CHUK: variants seen among roughly 807,000 people sequenced by gnomAD.
CHUK encodes the protein inhibitor of nuclear factor kappa-B kinase subunit alpha.
A neutral mutation model predicts 104.8 loss-of-function variants in CHUK; 35 were observed. That is an observed-to-expected ratio of 0.33 (90% CI 0.26 to 0.44). The LOEUF is 0.44. Ranked by LOEUF, CHUK falls within the 20% of genes least tolerant of loss-of-function variation. The pLI is 1.00. For missense variants in CHUK, 663 were observed against 902.7 expected (o/e 0.73, Z 3.40); for synonymous variants, 276 against 291.9 (o/e 0.95, Z 0.56).
chr10:100,221,756 G>C (rs893346063), intron 4 of CHUK, among the ~76,000 whole-genome samples: 2 of 152,072 alleles, frequency 1.3e-5, no homozygotes, highest in African/African-American at 4.8e-5. Context: ...TCCTGCCTCA[G>C]CCTCCCGAGT....
Position 100,193,447 on chromosome 10 carries a change from AAAACATCAAAAGATTAC to A in CHUK, c.1975-33_1975-17del, listed in dbSNP as rs1399991748. On this transcript the variant is annotated splice_polypyrimidine_tract_variant and intron_variant, in intron 18 of 20. Coordinates refer to ENST00000370397, the MANE Select transcript of CHUK (RefSeq NM_001278.5). ...AACTCTGTGTCTGAAGGAAAAGAAAAAAACATCAAAAGATTACAGGCAAGCATCTCTGTTGATTCACA... is the reference window on the plus strand; with the variant it reads ...AACTCTGTGTCTGAAGGAAAAGAAAAAGGCAAGCATCTCTGTTGATTCACA... 6.2e-7 allele frequency: 1 copy of A among 1,613,858 alleles called. No individual in the cohort carries two copies. The highest frequency in any genetic ancestry group is 8.5e-7 in the Non-Finnish European group (1 of 1,179,924).
chr10:100,200,718 T>C lies in CHUK; in HGVS notation c.1632A>G (p.Leu544=). 1.2e-6 allele frequency: 2 copies of C among 1,608,372 alleles called. No individual in the cohort carries two copies. ...IMSLHAEIME[L]QKSPYGRRQG... ...GACGTCTTCCATAGGGGCTCTTCTG[T>C]AGCTCCATGATTTCAGCATGCAAAG... Residue 544 remains leucine, a synonymous_variant, in exon 15 of 21, where the codon CTA becomes CTG. Coordinates refer to ENST00000370397, the MANE Select transcript of CHUK (RefSeq NM_001278.5).
intron 10 of CHUK, among the ~76,000 whole-genome samples, chr10:100,208,782 T>TAAAAAAAAAAAAAAA (rs56149905): frequency 8.0e-6 from 1 of 125,526 alleles, no homozygotes. Context: ...CAAGACTGTC[T>TAAAAAAAAAAAAAAA]AAAAAAAAAA....
chr10:100,227,233 A>T (rs1238389611), intron 1 of CHUK, among the ~76,000 whole-genome samples: 3 of 152,218 alleles, frequency 2.0e-5, no homozygotes, highest in African/African-American at 7.2e-5. Flanking sequence ...CACAAAGAAT[A>T]TTCTATGGGA....
At chr10:100,191,096 C>T (rs371674831) in intron 19 of CHUK, 128 bp from the exon 20 acceptor site, 1 of 716,272 alleles carries the variant, frequency 1.4e-6, no homozygotes, top group African/African-American at 1.7e-5. Context: ...GTGCAGTTGA[C>T]TCCTGTAGTC....
At chr10:100,219,509 ACTT>A in intron 5 of CHUK, 150 bp from the exon 6 acceptor site, 2 of 632,074 alleles carry the variant, frequency 3.2e-6, no homozygotes, top group Non-Finnish European at 5.6e-6. Context: ...GAGTGCCACC[ACTT>A]AACTAGGCAT....
chr10:100,201,785 C>T (rs577538571), intron 14 of CHUK, among the ~76,000 whole-genome samples: 4 of 152,160 alleles, frequency 2.6e-5, no homozygotes, highest in Admixed American at 2.0e-4. Flanking sequence ...CCTGGGAAGT[C>T]GAGGCTGCAG....
chr10:100,190,683 C>G (rs541401008), intron 20 of CHUK, 186 bp downstream of exon 20: 1 of 617,834 alleles, frequency 1.6e-6, no homozygotes, highest in East Asian at 2.8e-5. Context: ...ATGACATAAT[C>G]CTAGTATATC....
At chr10:100,206,795 T>C (rs762029097) in intron 11 of CHUK, among the ~76,000 whole-genome samples, 8 of 152,230 alleles carry the variant, frequency 5.3e-5, no homozygotes, top group Non-Finnish European at 7.3e-5. Context: ...CTTTACTTTA[T>C]TTGGACAGAT....
chr10:100,228,683 A>G (rs919625420), intron 1 of CHUK, among the ~76,000 whole-genome samples: 13 of 152,010 alleles, frequency 8.6e-5, no homozygotes, highest in Admixed American at 8.5e-4. Context: ...ACAAGACCCA[A>G]ATATGATTTT....
At chr10:100,194,160 T>C (rs751265397) in intron 17 of CHUK, 29 bp from the exon 18 acceptor site, 1 of 1,611,522 alleles carries the variant, frequency 6.2e-7, no homozygotes, top group South Asian at 1.1e-5. Context: ...TGTCAGACAC[T>C]TTCACATGCC....
chr10:100,193,231 A>G, intron 19 of CHUK, 67 bp downstream of exon 19: 1 of 1,558,618 alleles, frequency 6.4e-7, no homozygotes, highest in East Asian at 2.2e-5. Flanking sequence ...TACCTTAACA[A>G]CTACTGCCTC....
chr10:100,213,000 C>CAAAA (rs11349438), intron 9 of CHUK, among the ~76,000 whole-genome samples: 1 of 104,522 alleles, frequency 9.6e-6, no homozygotes, highest in Non-Finnish European at 2.0e-5. Flanking sequence ...GACTTTGTCT[C>CAAAA]AAAAAAAAAA....
At position 100,208,967 on chromosome 10, in the gene CHUK, C is replaced by A. The variant is rs184222039; in HGVS notation, c.1128+628G>T. Among the ~76,000 whole-genome samples the A allele has an allele frequency of 3.9e-3, 599 of 152,182 alleles. 2 individuals are homozygous for A. The highest frequency in any genetic ancestry group is 6.8e-3 in the Middle Eastern group (2 of 294). On this transcript the variant is annotated intron_variant, in intron 10 of 20. Transcript: ENST00000370397. ...GGTCTGAAGAAACCCCAGGCCTCCA[C>A]AAACAAGTTTATTGGGGGTCTGAAG...
chr10:100,198,994 T>C (rs891134501), intron 16 of CHUK, among the ~76,000 whole-genome samples: 1 of 152,328 alleles, frequency 6.6e-6, no homozygotes, highest in African/African-American at 2.4e-5. Flanking sequence ...TGTCACAATA[T>C]ACTCACTGAG....
intron 9 of CHUK, among the ~76,000 whole-genome samples, chr10:100,217,633 T>G (rs2134241935): frequency 6.6e-6 from 1 of 152,290 alleles, no homozygotes; most frequent in South Asian, 2.1e-4. Flanking sequence ...TAATCCCACT[T>G]TGGGAGGTGG....
Position 100,200,736 on chromosome 10 carries a change from A to G in CHUK, c.1614T>C (p.His538=). Residue 538 remains histidine (H), a synonymous_variant, in exon 15 of 21, where the codon CAT becomes CAC. Transcript: ENST00000370397. ...TCTTCTGTAGCTCCATGATTTCAGC[A>G]TGCAAAGACATAATCTGATCCTCCA... ...GYLEDQIMSL[H]AEIMELQKSP... The G allele has an allele frequency of 1.2e-6, 2 of 1,608,736 alleles. No homozygotes were observed. The highest frequency in any genetic ancestry group is 1.7e-6 in the Non-Finnish European group (2 of 1,175,548).
chr10:100,218,158 A>C, intron 8 of CHUK, 28 bp from the exon 9 acceptor site: 1 of 1,592,356 alleles, frequency 6.3e-7, no homozygotes, highest in Non-Finnish European at 8.6e-7. Flanking sequence ...TAGGGTGAAA[A>C]TCAAATCATT....
Position 100,202,108 on chromosome 10 carries a change from T to C in CHUK, c.1549A>G (p.Lys517Glu). Residue 517 changes from lysine (K) to glutamate (E), a missense_variant, in exon 14 of 21, where the codon AAG becomes GAG. Transcript: ENST00000370397. Reference sequence around the variant, plus strand: ...TTTACCTCAGCATAGTGGATGGCCTTTTCTTCCATTTCTTTCCATGCTTTT... The same window carrying C: ...TTTACCTCAGCATAGTGGATGGCCTCTTCTTCCATTTCTTTCCATGCTTTT... ...MLKAWKEMEE[K>E]AIHYAEVGVI... The C allele has an allele frequency of 2.5e-6, 4 of 1,612,554 alleles. No individual in the cohort carries two copies. Among genetic ancestry groups the C allele is most frequent in the Non-Finnish European group, 3.4e-6 (4 of 1,178,892 alleles).
Sources: allele counts gnomAD v4.1 joint callset (sites outside exome capture counted in the v4.1 genomes callset), GRCh38; gene constraint gnomAD v4.1.1; transcripts MANE v1.5; gene names NCBI Gene and HGNC (gene_info 2026-07-23, HGNC 2026-07-21).